The following CNTNAP2 variants were observed in gnomAD, a reference collection of about 807,000 sequenced individuals.
CNTNAP2 encodes the protein contactin associated protein 2, also known as contactin-associated protein-like 2.
A neutral mutation model predicts 155.2 loss-of-function variants in CNTNAP2; 98 were observed. That is an observed-to-expected ratio of 0.63 (90% CI 0.54 to 0.75). The LOEUF (loss-of-function observed/expected upper bound fraction) is 0.75. Among genes scored for constraint, CNTNAP2 ranks in the 30% least tolerant of loss-of-function variants. CNTNAP2 has a pLI of 0.00. For missense variants in CNTNAP2, 1,727 were observed against 1,688.1 expected, an observed-to-expected ratio of 1.02 and a Z score of -0.40; for synonymous variants, 651 against 631.2, an observed-to-expected ratio of 1.03 and a Z score of -0.47.
chr7:147,206,773 A>G (rs1439966158), intron 8 of CNTNAP2, among the ~76,000 whole-genome samples: 4 of 152,172 alleles, frequency 2.6e-5, no homozygotes, highest in Non-Finnish European at 4.4e-5. Context: ...TAAAACAATC[A>G]TAAAAACAAA....
chr7:147,180,168 C>T (rs1182970002), intron 8 of CNTNAP2, among the ~76,000 whole-genome samples: 1 of 152,144 alleles, frequency 6.6e-6, no homozygotes, highest in Non-Finnish European at 1.5e-5. Flanking sequence ...CACCCATGTT[C>T]ATTTCCTTGA....
chr7:147,997,393 A>T (rs532944253), intron 15 of CNTNAP2, among the ~76,000 whole-genome samples: 25 of 151,742 alleles, frequency 1.6e-4, no homozygotes, highest in African/African-American at 3.4e-4. Flanking sequence ...GTCTCTATTT[A>T]AAAAAAATAC....
chr7:148,097,880 G>A (rs1402468150), intron 15 of CNTNAP2, among the ~76,000 whole-genome samples: 1 of 152,126 alleles, frequency 6.6e-6, no homozygotes, highest in Non-Finnish European at 1.5e-5. Context: ...CAAAGTGATT[G>A]TATATATCAC....
intron 10 of CNTNAP2, among the ~76,000 whole-genome samples, chr7:147,446,205 C>A (rs1797736535): frequency 6.6e-6 from 1 of 151,214 alleles, no homozygotes; most frequent in African/African-American, 2.4e-5. Context: ...CCTCTCTCCT[C>A]CCCCCACCCC....
intron 18 of CNTNAP2, among the ~76,000 whole-genome samples, chr7:148,199,749 A>C (rs1046991013): frequency 2.6e-5 from 4 of 152,206 alleles, no homozygotes; most frequent in South Asian, 2.1e-4. Context: ...CTCCAAAGAA[A>C]TTGAACCAGT....
intron 9 of CNTNAP2, among the ~76,000 whole-genome samples, chr7:147,357,462 G>C (rs1796083160): frequency 6.6e-6 from 1 of 152,040 alleles, no homozygotes; most frequent in South Asian, 2.1e-4. Flanking sequence ...AGTGATCTAA[G>C]GTGATGGAAT....
chr7:146,935,630 A>T (rs1271045936), intron 3 of CNTNAP2, among the ~76,000 whole-genome samples: 1 of 152,338 alleles, frequency 6.6e-6, no homozygotes, highest in Non-Finnish European at 1.5e-5. Context: ...GGCTATAATT[A>T]CACAGCAGAT....
intron 18 of CNTNAP2, among the ~76,000 whole-genome samples, chr7:148,176,410 G>A (rs1454300801): frequency 6.6e-6 from 1 of 151,480 alleles, no homozygotes; most frequent in Admixed American, 6.6e-5. Context: ...TAGTACAGAC[G>A]GTTTCAACAT....
rs796999687 is a variant in CNTNAP2 at position 147,317,804 on chromosome 7, G to GTGTATGTA, written c.1498+17515_1498+17516insGTATGTAT. 5.1e-3 allele frequency among the ~76,000 whole-genome samples: 372 copies of GTGTATGTA among 72,438 alleles called. 2 individuals are homozygous for GTGTATGTA. The highest frequency in any genetic ancestry group is 0.02 in the African/African-American group (348 of 17,054). 47.5% of individuals were successfully genotyped at this position (72,438 alleles called of 152,430 possible). ...TGTGTGTGTGTGTGTGTGTGTATAT[G>GTGTATGTA]TATATATATGTGTGTGTGTGTGTGC... On this transcript the variant is annotated intron_variant, in intron 9 of 23. Transcript: ENST00000361727.
At chr7:148,295,745 C>A (rs576213226) in intron 21 of CNTNAP2, among the ~76,000 whole-genome samples, 194 of 152,176 alleles carry the variant, frequency 1.3e-3, no homozygotes, top group Non-Finnish European at 2.1e-3. Flanking sequence ...TCCGCCTCGG[C>A]CTCCCAAAGT....
intron 15 of CNTNAP2, among the ~76,000 whole-genome samples, chr7:148,000,333 C>T (rs1360048533): frequency 6.6e-6 from 1 of 152,034 alleles, no homozygotes; most frequent in African/African-American, 2.4e-5. Context: ...TTTAGGACCC[C>T]GGGATGATGT....
intron 21 of CNTNAP2, among the ~76,000 whole-genome samples, chr7:148,350,798 A>G (rs1798413305): frequency 2.0e-5 from 3 of 152,324 alleles, no homozygotes; most frequent in African/African-American, 7.2e-5. Context: ...AATGCTGTGG[A>G]TTGAGATCTG....
intron 1 of CNTNAP2, among the ~76,000 whole-genome samples, chr7:146,710,103 G>C (rs1310060766): frequency 2.6e-5 from 4 of 152,178 alleles, no homozygotes; most frequent in Non-Finnish European, 5.9e-5. Flanking sequence ...CAGAGACCAG[G>C]GCAGGAAGTG....
At chr7:148,170,747 C>A (rs1005662174) in intron 17 of CNTNAP2, among the ~76,000 whole-genome samples, 3 of 152,216 alleles carry the variant, frequency 2.0e-5, no homozygotes, top group Non-Finnish European at 2.9e-5. Context: ...CAGGCATAAG[C>A]AGATGCTAAT....
At chr7:147,612,270 A>T (rs1261600490) in intron 12 of CNTNAP2, among the ~76,000 whole-genome samples, 4 of 152,164 alleles carry the variant, frequency 2.6e-5, no homozygotes, top group Non-Finnish European at 2.9e-5. Flanking sequence ...TATAAATCTG[A>T]ATGTTTATAT....
intron 3 of CNTNAP2, among the ~76,000 whole-genome samples, chr7:147,004,036 C>G (rs1798477182): frequency 6.6e-6 from 1 of 151,740 alleles, no homozygotes; most frequent in South Asian, 2.1e-4. Flanking sequence ...TCAGAAATTT[C>G]AAAATATCAT....
intron 7 of CNTNAP2, among the ~76,000 whole-genome samples, chr7:147,130,636 G>A (rs111859086): frequency 0.017 from 2,591 of 152,156 alleles, 65 homozygotes; most frequent in African/African-American, 0.059. Context: ...CATTTTGCAA[G>A]CAACCCTGCA....
intron 1 of CNTNAP2, among the ~76,000 whole-genome samples, chr7:146,435,350 A>G (rs1193545072): frequency 6.6e-6 from 1 of 152,220 alleles, no homozygotes; most frequent in Non-Finnish European, 1.5e-5. Flanking sequence ...CAATGTGAGT[A>G]CCAGCTGCTT....
At chr7:147,813,647 C>T (rs1333536163) in intron 13 of CNTNAP2, among the ~76,000 whole-genome samples, 3 of 152,178 alleles carry the variant, frequency 2.0e-5, no homozygotes, top group Admixed American at 6.5e-5. Flanking sequence ...CCAAGCTCAC[C>T]CTTTAATTCT....
Sources: allele counts gnomAD v4.1 joint callset (sites outside exome capture counted in the v4.1 genomes callset), GRCh38; gene constraint gnomAD v4.1.1; transcripts MANE v1.5; gene names NCBI Gene and HGNC (gene_info 2026-07-23, HGNC 2026-07-21).